Variants in OPHN1 observed in about 807,000 individuals in gnomAD.
OPHN1 encodes oligophrenin 1, also known as oligophrenin-1.
Under a neutral mutation model 60.7 loss-of-function variants are expected in OPHN1, and 11 were observed. The ratio of observed to expected loss-of-function variants is 0.18; its 90% CI spans 0.11 to 0.30. OPHN1 has a LOEUF of 0.30. Among genes scored for constraint, OPHN1 ranks in the 10% least tolerant of loss-of-function variants. The pLI, the probability that OPHN1 is intolerant of heterozygous loss-of-function variation, is 1.00. For synonymous variants in OPHN1, 226 were observed against 222.6 expected, an observed-to-expected ratio of 1.02 and a Z score of -0.14; for missense variants, 449 against 611.0, an observed-to-expected ratio of 0.73 and a Z score of 2.80.
intron 2 of OPHN1, among the ~76,000 whole-genome samples, chrX:68,428,591 T>C (rs1455144009): frequency 2.7e-5 from 3 of 112,489 alleles, no homozygotes; most frequent in Non-Finnish European, 3.7e-5. Flanking sequence ...GAACAATGAC[T>C]TGAACACGGT....
rs912353502 is a variant in OPHN1 at position 68,297,193 on chromosome X, A to C, written c.250+1808T>G. On this transcript the variant is annotated intron_variant, in intron 3 of 24. Coordinates refer to ENST00000355520, the MANE Select transcript of OPHN1 (RefSeq NM_002547.3). ...GCAGTTATTTTTAAAAAGAAGTACA[A>C]AAATATCTTATATTAATAATAATGT... Among the ~76,000 whole-genome samples the C allele has an allele frequency of 4.9e-4, 55 of 111,975 alleles. 1 individual carries two copies. Among genetic ancestry groups the C allele is most frequent in the Non-Finnish European group, 5.6e-5 (3 of 53,227 alleles).
At chrX:68,318,623 T>C (rs1027301905) in intron 2 of OPHN1, among the ~76,000 whole-genome samples, 2 of 112,381 alleles carry the variant, frequency 1.8e-5, no homozygotes, top group South Asian at 7.4e-4. Flanking sequence ...TAGCAGTGTA[T>C]AATAGTATGG....
rs57334362 is a variant in OPHN1 at position 68,341,675 on chromosome X, A to G, written c.155-42579T>C. Among the ~76,000 whole-genome samples the G allele has an allele frequency of 2.3e-3, 254 of 110,056 alleles. 8 individuals carry two copies. In the East Asian group the frequency reaches 0.065, roughly 28 times the overall value. On this transcript the variant is annotated intron_variant, in intron 2 of 24. Coordinates refer to ENST00000355520, the MANE Select transcript of OPHN1 (RefSeq NM_002547.3). ...ACAGGGAAACCCCGTCTCTACAAAAAAATATATAAAAAATTAGCCAGGCAT... is the reference window on the plus strand; with the variant it reads ...ACAGGGAAACCCCGTCTCTACAAAAGAATATATAAAAAATTAGCCAGGCAT...
chrX:68,432,731 A>C (rs1199114496), intron 2 of OPHN1, 136 bp downstream of exon 2: 2 of 664,841 alleles, frequency 3.0e-6, no homozygotes, highest in Non-Finnish European at 4.7e-6. Flanking sequence ...CCACTCCCCA[A>C]GTGTGGGAAA....
At chrX:68,279,101 C>CTTTTTTTTTTTT (rs984725368) in intron 4 of OPHN1, among the ~76,000 whole-genome samples, 1 of 21,787 alleles carries the variant, frequency 4.6e-5, no homozygotes, top group Non-Finnish European at 7.2e-5. Context: ...CTCCCCCGCT[C>CTTTTTTTTTTTT]TTTTTTTTTT....
chrX:68,391,115 C>A (rs956303835), intron 2 of OPHN1, among the ~76,000 whole-genome samples: 6 of 111,583 alleles, frequency 5.4e-5, no homozygotes, highest in African/African-American at 2.0e-4. Context: ...CCAAGATAAT[C>A]TGTTCATCTC....
intron 2 of OPHN1, among the ~76,000 whole-genome samples, chrX:68,420,302 C>T (rs1388496224): frequency 8.9e-6 from 1 of 112,046 alleles, no homozygotes; most frequent in Non-Finnish European, 1.9e-5. Flanking sequence ...GGAAAGAATA[C>T]ACAGAAAATC....
chrX:68,202,153 C>T (rs1274415886), intron 10 of OPHN1, among the ~76,000 whole-genome samples: 1 of 111,746 alleles, frequency 8.9e-6, no homozygotes, highest in African/African-American at 3.3e-5. Context: ...AAGAAGCTTC[C>T]ATTAAAGTGG....
At chrX:68,269,559 C>T (rs1703304386) in intron 5 of OPHN1, among the ~76,000 whole-genome samples, 1 of 111,586 alleles carries the variant, frequency 9.0e-6, no homozygotes, top group Non-Finnish European at 1.9e-5. Flanking sequence ...AACTGGATCC[C>T]TTCCTTACAC....
intron 2 of OPHN1, among the ~76,000 whole-genome samples, chrX:68,307,657 C>G (rs1293788378): frequency 9.1e-6 from 1 of 110,386 alleles, no homozygotes; most frequent in Non-Finnish European, 1.9e-5. Context: ...AAGCTCAAGT[C>G]CTAATTAGTT....
chrX:68,093,927 T>C (rs2077028343), intron 19 of OPHN1, among the ~76,000 whole-genome samples: 1 of 111,018 alleles, frequency 9.0e-6, no homozygotes, highest in Non-Finnish European at 1.9e-5. Flanking sequence ...ATGAAGTCAA[T>C]TTATTGATTT....
intron 2 of OPHN1, among the ~76,000 whole-genome samples, chrX:68,348,888 A>G (rs2078392015): frequency 8.9e-6 from 1 of 111,750 alleles, no homozygotes; most frequent in Admixed American, 9.7e-5. Context: ...GGAATCCAAA[A>G]GGAAATTAGA....
At chrX:68,187,184 A>G (rs2077466409) in intron 15 of OPHN1, among the ~76,000 whole-genome samples, 1 of 112,013 alleles carries the variant, frequency 8.9e-6, no homozygotes, top group Non-Finnish European at 1.9e-5. Context: ...TGTATGTAGT[A>G]GGCAGATTTC....
chrX:68,390,739 A>T (rs1264377366), intron 2 of OPHN1, among the ~76,000 whole-genome samples: 1 of 112,400 alleles, frequency 8.9e-6, no homozygotes, highest in Non-Finnish European at 1.9e-5. Context: ...CTTGCAGTCT[A>T]GAAGAATAAA....
At chrX:68,083,054 CTTT>C (rs869083899) in intron 19 of OPHN1, among the ~76,000 whole-genome samples, 2 of 37,455 alleles carry the variant, frequency 5.3e-5, no homozygotes, top group African/African-American at 2.3e-4. Context: ...CTGCTAGTTT[CTTT>C]TTTTTTTTTT....
chrX:68,334,810 T>C (rs1292742934), intron 2 of OPHN1, among the ~76,000 whole-genome samples: 2 of 109,142 alleles, frequency 1.8e-5, no homozygotes, highest in East Asian at 5.7e-4. Flanking sequence ...ACCCCATCTC[T>C]ACAAAAAATA....
intron 23 of OPHN1, among the ~76,000 whole-genome samples, chrX:68,051,695 T>C (rs1421082824): frequency 3.9e-5 from 4 of 103,644 alleles, no homozygotes; most frequent in African/African-American, 1.4e-4. Flanking sequence ...AAAAGTAAAC[T>C]AAAAAAAAAA....
At chrX:68,274,606 T>G in intron 5 of OPHN1, 132 bp downstream of exon 5, 1 of 450,821 alleles carries the variant, frequency 2.2e-6, no homozygotes. Flanking sequence ...TTTTGCACAG[T>G]TTAGGAGGCT....
At chrX:68,311,633 A>G (rs943284914) in intron 2 of OPHN1, among the ~76,000 whole-genome samples, 2 of 111,805 alleles carry the variant, frequency 1.8e-5, no homozygotes, top group African/African-American at 6.5e-5. Context: ...GGGTTTCACC[A>G]TGTTGACCAA....
Sources: gnomAD v4.1 joint callset for allele counts (sites outside exome capture counted in the v4.1 genomes callset) on GRCh38, gnomAD v4.1.1 for gene constraint, MANE v1.5 for transcripts, NCBI Gene and HGNC (gene_info 2026-07-23, HGNC 2026-07-21) for gene names.